The following WWOX variants were observed in gnomAD, a reference collection of about 807,000 sequenced individuals.
WWOX encodes the protein WW domain-containing oxidoreductase.
WWOX carries 69 observed loss-of-function variants against 46.2 expected under a neutral mutation model. The observed-to-expected ratio is 1.49, with a 90% CI of 1.23 to 1.82. The LOEUF is 1.82. WWOX is among the 40% of genes most tolerant of loss of function. The probability of loss-of-function intolerance (pLI) is 0.00; values close to 1 mark genes in which losing one functional copy is unlikely to be tolerated. For synonymous variants in WWOX, 359 were observed against 202.6 expected, an observed-to-expected ratio of 1.77 and a Z score of -6.56; for missense variants, 919 against 542.6, an observed-to-expected ratio of 1.69 and a Z score of -6.89.
chr16:78,156,067 A>G (rs1352744884), intron 4 of WWOX, among the ~76,000 whole-genome samples: 2 of 152,202 alleles, frequency 1.3e-5, no homozygotes, highest in Non-Finnish European at 2.9e-5. Context: ...GTAGACTAGC[A>G]ACGGGTAATG....
rs374579751 is a variant in WWOX, at chr16:78,795,830, A to C, written c.1056+363078A>C. ...ATATTGAGTATAAAGTATCTAGTAG[A>C]GTGGCTAGCGTATAGTGAGTACCCA... On this transcript the variant is annotated intron_variant, in intron 8 of 8. Coordinates refer to ENST00000566780, the MANE Select transcript of WWOX (RefSeq NM_016373.4). Among the ~76,000 whole-genome samples, 4 of 152,256 alleles carry C rather than the reference A, an allele frequency of 2.6e-5. No individual in the cohort carries two copies. The East Asian group carries it at 5.8e-4, about 22-fold the overall frequency.
chr16:78,276,727 A>G (rs1435181051), intron 5 of WWOX, among the ~76,000 whole-genome samples: 1 of 152,230 alleles, frequency 6.6e-6, no homozygotes, highest in Non-Finnish European at 1.5e-5. Flanking sequence ...CCCATTAAAA[A>G]TAAAATCTGT....
At chr16:78,221,374 A>G (rs372713997) in intron 5 of WWOX, among the ~76,000 whole-genome samples, 89 of 152,352 alleles carry the variant, frequency 5.8e-4, no homozygotes, top group African/African-American at 2.0e-3. Flanking sequence ...ATATAAATAC[A>G]TAAAACTTCC....
chr16:78,804,841 C>G (rs183918387), intron 8 of WWOX, among the ~76,000 whole-genome samples: 284 of 152,350 alleles, frequency 1.9e-3, no homozygotes, highest in African/African-American at 6.6e-3. Flanking sequence ...CTTAGGCATT[C>G]TGTGATCCTT....
At position 78,338,241 on chromosome 16, in the gene WWOX, C is replaced by G; in HGVS notation, c.517-48619C>G. Among the ~76,000 whole-genome samples, 2 of 120,390 alleles carry G rather than the reference C, an allele frequency of 1.7e-5. 1 individual carries two copies. The highest frequency in any genetic ancestry group is 4.0e-5 in the Non-Finnish European group (2 of 50,604). The allele number at this position is 120,390 out of a possible 152,430, so 79.0% of individuals were successfully genotyped here. On this transcript the variant is annotated intron_variant, in intron 5 of 8. Transcript: ENST00000566780. ...GCAAATTTACTATCGTATTCAGCAACCAAAATTTTATCACTTGCCTGATAC... is the reference window on the plus strand; with the variant it reads ...GCAAATTTACTATCGTATTCAGCAAGCAAAATTTTATCACTTGCCTGATAC...
intron 8 of WWOX, among the ~76,000 whole-genome samples, chr16:78,975,786 G>C (rs892434473): frequency 6.6e-6 from 1 of 152,120 alleles, no homozygotes; most frequent in African/African-American, 2.4e-5. Flanking sequence ...CAGCCTTTCA[G>C]ACAATTCTGC....
At chr16:78,328,832 T>TTCTTTTCTTTTCTTTTC (rs59414488) in intron 5 of WWOX, among the ~76,000 whole-genome samples, 1 of 150,384 alleles carries the variant, frequency 6.6e-6, no homozygotes, top group African/African-American at 2.4e-5. Flanking sequence ...GTGTTTTTCT[T>TTCTTTTCTTTTCTTTTC]TTTTCTTTTC....
chr16:79,010,981 T>C (rs2047292660), intron 8 of WWOX, among the ~76,000 whole-genome samples: 1 of 152,102 alleles, frequency 6.6e-6, no homozygotes, highest in South Asian at 2.1e-4. Context: ...GGGCAGGCTC[T>C]GAGTAGAGGA....
intron 5 of WWOX, among the ~76,000 whole-genome samples, chr16:78,245,791 T>C (rs1427891110): frequency 6.6e-6 from 1 of 152,192 alleles, no homozygotes; most frequent in Non-Finnish European, 1.5e-5. Context: ...GCAGACAATA[T>C]TCTTCCTCGA....
At chr16:78,297,232 A>G (rs1008450132) in intron 5 of WWOX, among the ~76,000 whole-genome samples, 4 of 152,152 alleles carry the variant, frequency 2.6e-5, no homozygotes, top group African/African-American at 9.7e-5. Context: ...CGGAGCATGC[A>G]GCTGTGTAAA....
intron 8 of WWOX, among the ~76,000 whole-genome samples, chr16:78,458,653 G>C (rs2738642): frequency 0.24 from 35,715 of 150,766 alleles, 4,590 homozygotes; most frequent in African/African-American, 0.34. Flanking sequence ...GCATATAAAA[G>C]TAAAAAGAAT....
At chr16:78,610,245 A>G (rs2045868920) in intron 8 of WWOX, among the ~76,000 whole-genome samples, 3 of 152,286 alleles carry the variant, frequency 2.0e-5, no homozygotes, top group South Asian at 4.1e-4. Context: ...CCTCCTTTTC[A>G]TAATTCTTCC....
intron 8 of WWOX, among the ~76,000 whole-genome samples, chr16:78,698,785 G>A (rs898142868): frequency 6.6e-6 from 1 of 152,162 alleles, no homozygotes; most frequent in East Asian, 1.9e-4. Context: ...AGGCTGCAAT[G>A]AGCTATGACT....
intron 4 of WWOX, among the ~76,000 whole-genome samples, chr16:78,134,520 C>T (rs1229724577): frequency 6.6e-6 from 1 of 152,014 alleles, no homozygotes; most frequent in Admixed American, 6.6e-5. Flanking sequence ...CAGAGCACAC[C>T]TCTGGCTTAT....
intron 8 of WWOX, among the ~76,000 whole-genome samples, chr16:78,830,423 C>T (rs896723262): frequency 2.8e-4 from 43 of 152,010 alleles, no homozygotes; most frequent in African/African-American, 8.9e-4. Context: ...ATGGCTCTCC[C>T]CTCCCCCACT....
At position 78,985,089 on chromosome 16, in the gene WWOX, G is replaced by A. The variant is rs2046758991; in HGVS notation, c.1057-226519G>A. ...CCAAGCTCTGGCCGCCCAGTTTTTGGACTTTGTAACTGTTTCCGAACGGAT... is the reference window on the plus strand; with the variant it reads ...CCAAGCTCTGGCCGCCCAGTTTTTGAACTTTGTAACTGTTTCCGAACGGAT... On this transcript the variant is annotated intron_variant, in intron 8 of 8. Coordinates refer to ENST00000566780, the MANE Select transcript of WWOX (RefSeq NM_016373.4). Among the ~76,000 whole-genome samples, 6 of 152,290 alleles carry A rather than the reference G, an allele frequency of 3.9e-5. No individual in the cohort carries two copies. The South Asian group carries it at 1.2e-3, about 32-fold the overall frequency.
intron 8 of WWOX, among the ~76,000 whole-genome samples, chr16:79,141,871 G>C (rs372112418): frequency 6.6e-6 from 1 of 151,778 alleles, no homozygotes; most frequent in Non-Finnish European, 1.5e-5. Flanking sequence ...TTGGCGTTGT[G>C]ATTAGCCCGT....
At chr16:78,505,639 T>G (rs1018343001) in intron 8 of WWOX, among the ~76,000 whole-genome samples, 1 of 152,048 alleles carries the variant, frequency 6.6e-6, no homozygotes, top group African/African-American at 2.4e-5. Context: ...TGCTCCAAAC[T>G]CAGGAAGTTG....
intron 8 of WWOX, among the ~76,000 whole-genome samples, chr16:78,600,892 G>T (rs567422017): frequency 6.6e-6 from 1 of 152,158 alleles, no homozygotes; most frequent in East Asian, 1.9e-4. Flanking sequence ...GGAGAAGCCT[G>T]TGTGACCCTG....
Sources: gnomAD v4.1 joint callset for allele counts (sites outside exome capture counted in the v4.1 genomes callset) on GRCh38, gnomAD v4.1.1 for gene constraint, MANE v1.5 for transcripts, NCBI Gene and HGNC (gene_info 2026-07-23, HGNC 2026-07-21) for gene names.